KCNJ16: variants seen among roughly 807,000 people sequenced by gnomAD.
The protein encoded by KCNJ16 is inward rectifier potassium channel 16.
In KCNJ16, 15 loss-of-function variants were observed where a neutral mutation model predicts 18.5. The observed-to-expected ratio is 0.81, with a 90% CI of 0.54 to 1.25. KCNJ16 has a LOEUF of 1.25. KCNJ16 is among the 50% of genes most tolerant of loss of function. KCNJ16 has a pLI of 0.00. For missense variants in KCNJ16, 523 were observed against 525.7 expected, an observed-to-expected ratio of 0.99 and a Z score of 0.05; for synonymous variants, 174 against 186.5, an observed-to-expected ratio of 0.93 and a Z score of 0.55.
chr17:70,095,502 T>C (rs911433175), intron 1 of KCNJ16, among the ~76,000 whole-genome samples: 2 of 152,214 alleles, frequency 1.3e-5, no homozygotes, highest in Non-Finnish European at 2.9e-5. Context: ...AGCCAACAGC[T>C]TTTGATCAGG....
At chr17:70,122,772 T>C (rs1260966303) in intron 2 of KCNJ16, among the ~76,000 whole-genome samples, 1 of 152,190 alleles carries the variant, frequency 6.6e-6, no homozygotes, top group African/African-American at 2.4e-5. Flanking sequence ...CTTGACTGCC[T>C]GCCATTCCCT....
intron 2 of KCNJ16, among the ~76,000 whole-genome samples, chr17:70,114,795 C>T (rs1395793665): frequency 6.6e-6 from 1 of 152,142 alleles, no homozygotes; most frequent in African/African-American, 2.4e-5. Flanking sequence ...CCAGTTAACT[C>T]TCTCCCCATT....
At position 70,104,396 on chromosome 17, in the gene KCNJ16, G is replaced by A. The variant is rs2072814044; in HGVS notation, c.-191+3630G>A. On this transcript the variant is annotated intron_variant, in intron 2 of 3. Coordinates refer to ENST00000392671, the MANE Select transcript of KCNJ16 (RefSeq NM_170741.4). ...ACTTTGTCCTTGGAGTCACTACTGA[G>A]GTGGCTGATAGTCTTTCTGGGGGCA... is the stretch of plus-strand genomic sequence containing the variant. 8.5e-5 allele frequency among the ~76,000 whole-genome samples: 13 copies of A among 152,342 alleles called. 1 individual carries two copies. The South Asian group carries it at 2.5e-3, about 29-fold the overall frequency.
At chr17:70,088,207 C>T (rs541871431) in intron 1 of KCNJ16, among the ~76,000 whole-genome samples, 1 of 152,190 alleles carries the variant, frequency 6.6e-6, no homozygotes, top group South Asian at 2.1e-4. Flanking sequence ...TTGTAGAAGA[C>T]GATTTTTTTC....
intron 2 of KCNJ16, among the ~76,000 whole-genome samples, chr17:70,113,822 TG>T (rs2073289558): frequency 6.6e-6 from 1 of 152,090 alleles, no homozygotes. Flanking sequence ...AAAGTGTGAT[TG>T]GAAGAGAAAG....
At chr17:70,079,001 G>T (rs2071432407) in intron 1 of KCNJ16, among the ~76,000 whole-genome samples, 1 of 152,064 alleles carries the variant, frequency 6.6e-6, no homozygotes, top group Admixed American at 6.6e-5. Context: ...CTCTTAAAAT[G>T]GTCTTTTTTT....
In KCNJ16 at chr17:70,094,538, AG is replaced by A. The variant is rs2072264673; in HGVS notation, c.-299-6119del. Reference sequence around the variant, plus strand: ...TGTATTTTATCTACAGAGATTATCTAGAATGAAAGGATGGGAAGGTGAGGTA... The same window carrying A: ...TGTATTTTATCTACAGAGATTATCTAAATGAAAGGATGGGAAGGTGAGGTA... On this transcript the variant is annotated intron_variant, in intron 1 of 3. Transcript: ENST00000392671. Among the ~76,000 whole-genome samples the A allele has an allele frequency of 2.0e-5, 3 of 152,348 alleles. No homozygotes were observed. The South Asian group carries it at 6.2e-4, about 32-fold the overall frequency.
At chr17:70,103,470 C>G (rs531868360) in intron 2 of KCNJ16, among the ~76,000 whole-genome samples, 1 of 151,734 alleles carries the variant, frequency 6.6e-6, no homozygotes, top group Admixed American at 6.6e-5. Context: ...CCCGACCACA[C>G]TGCCTTTTGC....
chr17:70,092,528 A>AGATAGAT (rs2072144983), intron 1 of KCNJ16, among the ~76,000 whole-genome samples: 1 of 59,900 alleles, frequency 1.7e-5, no homozygotes, highest in South Asian at 5.0e-4. Flanking sequence ...ATAGATACAT[A>AGATAGAT]GACAGATAGA....
At chr17:70,117,699 T>C (rs2073468857) in intron 2 of KCNJ16, among the ~76,000 whole-genome samples, 1 of 152,192 alleles carries the variant, frequency 6.6e-6, no homozygotes, top group Non-Finnish European at 1.5e-5. Context: ...CTTTGTATTA[T>C]TCAATTATTT....
chr17:70,096,620 G>A, intron 1 of KCNJ16: 1 of 249,860 alleles, frequency 4.0e-6, no homozygotes, highest in Non-Finnish European at 7.5e-6. Context: ...ATCATAATAG[G>A]TGCCTATATT....
intron 1 of KCNJ16, among the ~76,000 whole-genome samples, chr17:70,084,629 G>C (rs2071712226): frequency 6.6e-6 from 1 of 152,132 alleles, no homozygotes; most frequent in Non-Finnish European, 1.5e-5. Flanking sequence ...TCCTCTGGTA[G>C]AGCGGTGGTG....
chr17:70,108,170 GT>G (rs1452387533), intron 2 of KCNJ16: 1 of 152,224 alleles, frequency 6.6e-6, no homozygotes, highest in Non-Finnish European at 1.5e-5. Context: ...CCAGGGCCAT[GT>G]TTTGACTATC....
chr17:70,107,691 A>ATT (rs1463904735), intron 2 of KCNJ16, among the ~76,000 whole-genome samples: 14 of 152,022 alleles, frequency 9.2e-5, no homozygotes, highest in African/African-American at 3.1e-4. Context: ...ATTTTTTTAA[A>ATT]AAAAAAATTA....
chr17:70,120,331 C>T (rs1156500368), intron 2 of KCNJ16, among the ~76,000 whole-genome samples: 3 of 152,198 alleles, frequency 2.0e-5, no homozygotes, highest in African/African-American at 7.2e-5. Flanking sequence ...GTCCTCCAAA[C>T]TCTTCCACCC....
intron 2 of KCNJ16, among the ~76,000 whole-genome samples, chr17:70,109,798 A>G (rs533713418): frequency 6.6e-6 from 1 of 152,290 alleles, no homozygotes; most frequent in African/African-American, 2.4e-5. Flanking sequence ...AATAATACTT[A>G]GTTGAAGATT....
intron 1 of KCNJ16, among the ~76,000 whole-genome samples, chr17:70,099,599 A>C (rs2072534733): frequency 6.6e-6 from 1 of 152,128 alleles, no homozygotes; most frequent in Non-Finnish European, 1.5e-5. Flanking sequence ...AGCTGGGGCA[A>C]TAAATGCTTG....
rs185520138 is a variant in KCNJ16, at chr17:70,124,086, T to C, written c.-190-6793T>C. 5.9e-5 allele frequency among the ~76,000 whole-genome samples: 9 copies of C among 152,300 alleles called. No individual in the cohort carries two copies. The East Asian group carries it at 1.7e-3, about 29-fold the overall frequency. On this transcript the variant is annotated intron_variant, in intron 2 of 3. Transcript: ENST00000392671. ...TCACTTAACAACCAGATAGTGACTG[T>C]ACCTCAAACAAACAAAATAAGATAG... is the stretch of plus-strand genomic sequence containing the variant.
chr17:70,112,799 T>C (rs2073244131), intron 2 of KCNJ16, among the ~76,000 whole-genome samples: 1 of 152,208 alleles, frequency 6.6e-6, no homozygotes, highest in East Asian at 1.9e-4. Context: ...AAATTATTGA[T>C]TTTTAAATAC....
Sources: gnomAD v4.1 joint callset for allele counts (sites outside exome capture counted in the v4.1 genomes callset) on GRCh38, gnomAD v4.1.1 for gene constraint, MANE v1.5 for transcripts, NCBI Gene and HGNC (gene_info 2026-07-23, HGNC 2026-07-21) for gene names.